The following TNFRSF11A variants were observed in gnomAD, a reference collection of about 807,000 sequenced individuals.
The protein encoded by TNFRSF11A is tumor necrosis factor receptor superfamily member 11A.
In TNFRSF11A, 32 loss-of-function variants were observed where a neutral mutation model predicts 55.7. The ratio of observed to expected loss-of-function variants is 0.57; its 90% CI spans 0.43 to 0.77. The LOEUF (loss-of-function observed/expected upper bound fraction) is 0.77. TNFRSF11A is among the 30% of genes least tolerant of loss of function. The pLI, the probability that TNFRSF11A is intolerant of heterozygous loss-of-function variation, is 0.00. For synonymous variants in TNFRSF11A, 311 were observed against 331.0 expected, an observed-to-expected ratio of 0.94 and a Z score of 0.65; for missense variants, 753 against 809.8, an observed-to-expected ratio of 0.93 and a Z score of 0.85.
chr18:62,332,414 T>G (rs1322517810), intron 1 of TNFRSF11A, among the ~76,000 whole-genome samples: 1 of 152,170 alleles, frequency 6.6e-6, no homozygotes, highest in East Asian at 1.9e-4. Flanking sequence ...ACAAGCAGGA[T>G]CACATCTAAC....
At chr18:62,343,304 G>T (rs2046339234) in intron 1 of TNFRSF11A, among the ~76,000 whole-genome samples, 1 of 152,204 alleles carries the variant, frequency 6.6e-6, no homozygotes, top group Non-Finnish European at 1.5e-5. Context: ...GACAAGAGGG[G>T]CCAAGCCTCT....
chr18:62,382,741 G>A (rs1327929542), intron 9 of TNFRSF11A, among the ~76,000 whole-genome samples: 1 of 151,750 alleles, frequency 6.6e-6, no homozygotes, highest in Non-Finnish European at 1.5e-5. Context: ...TAGTTTCCTT[G>A]CCTACACCAC....
rs187350062 is a variant in TNFRSF11A, at chr18:62,344,786, A to C, written c.76-3382A>C. ...ATCAGAACCAGAATACTGTAGGCAA[A>C]ATGAGAGGTCAGACTGGGAGGGGCA... On this transcript the variant is annotated intron_variant, in intron 1 of 9. Coordinates refer to ENST00000586569, the MANE Select transcript of TNFRSF11A (RefSeq NM_003839.4). 4.6e-5 allele frequency among the ~76,000 whole-genome samples: 7 copies of C among 152,312 alleles called. No individual in the cohort carries two copies. In the East Asian group the frequency reaches 1.3e-3, roughly 29 times the overall value.
In TNFRSF11A at chr18:62,390,236, G is replaced by A. The variant is rs549899364; in HGVS notation, c.*5202G>A. Reference sequence around the variant, plus strand: ...GTCGGAGGGACGCACCTTCTCCACAGTTGACAGGACTGTTATGGTTGACCC... The same window carrying A: ...GTCGGAGGGACGCACCTTCTCCACAATTGACAGGACTGTTATGGTTGACCC... On this transcript the variant is annotated 3_prime_UTR_variant, in exon 10 of 10. Transcript: ENST00000586569. The A allele has an allele frequency of 6.6e-6, 1 of 152,372 alleles. No homozygotes were observed. Among genetic ancestry groups the A allele is most frequent in the African/African-American group, 2.4e-5 (1 of 41,590 alleles). The allele number at this position is 152,372 out of a possible 1,614,324, so 9.4% of individuals were successfully genotyped here. A position where few individuals can be genotyped will look rare whatever the true frequency, so the allele number is the denominator to read the frequency against.
intron 7 of TNFRSF11A, 22 bp downstream of exon 7, chr18:62,361,815 T>C: frequency 1.3e-6 from 2 of 1,587,150 alleles, no homozygotes. Context: ...ATGGTGGTTT[T>C]TGCAAACCAA....
chr18:62,329,396 A>G (rs1295701324), intron 1 of TNFRSF11A, among the ~76,000 whole-genome samples: 1 of 152,222 alleles, frequency 6.6e-6, no homozygotes, highest in Non-Finnish European at 1.5e-5. Context: ...ACTCCAGCTC[A>G]GTGCACCCCA....
chr18:62,366,851 C>T (rs879144844), intron 8 of TNFRSF11A, 91 bp downstream of exon 8: 2 of 1,322,548 alleles, frequency 1.5e-6, no homozygotes, highest in African/African-American at 1.4e-5. Flanking sequence ...CACCCCCCCC[C>T]ACCCCCACTT....
At chr18:62,349,283 G>A (rs2046430539) in intron 2 of TNFRSF11A, among the ~76,000 whole-genome samples, 1 of 151,694 alleles carries the variant, frequency 6.6e-6, no homozygotes, top group Non-Finnish European at 1.5e-5. Context: ...GGTTGAGGCA[G>A]CAATTCTCCT....
intron 1 of TNFRSF11A, among the ~76,000 whole-genome samples, chr18:62,341,835 G>GTTTTTTTTTTTTTT (rs1568475429): frequency 4.4e-5 from 3 of 68,852 alleles, no homozygotes; most frequent in Non-Finnish European, 2.5e-5. Context: ...GCTGAGAATG[G>GTTTTTTTTTTTTTT]CTTTTTTTTT....
At chr18:62,333,474 T>C (rs2046185480) in intron 1 of TNFRSF11A, among the ~76,000 whole-genome samples, 1 of 152,200 alleles carries the variant, frequency 6.6e-6, no homozygotes. Context: ...AAGATTAATA[T>C]ATTACAAGTA....
At chr18:62,329,863 C>T (rs1225220787) in intron 1 of TNFRSF11A, among the ~76,000 whole-genome samples, 5 of 152,282 alleles carry the variant, frequency 3.3e-5, no homozygotes, top group South Asian at 4.1e-4. Context: ...CACTGTGTCA[C>T]GTTCCAGTCG....
intron 1 of TNFRSF11A, among the ~76,000 whole-genome samples, chr18:62,336,100 G>A (rs1200124453): frequency 6.6e-6 from 1 of 152,194 alleles, no homozygotes; most frequent in African/African-American, 2.4e-5. Context: ...GTCCAGGGAT[G>A]GGAGAGGTGG....
At chr18:62,327,564 A>G (rs1219141456) in intron 1 of TNFRSF11A, among the ~76,000 whole-genome samples, 5 of 152,206 alleles carry the variant, frequency 3.3e-5, no homozygotes, top group African/African-American at 1.2e-4. Flanking sequence ...CTCTGTATTC[A>G]ATGACTGCTT....
chr18:62,342,421 A>AAAAAAAAAAAAAAAAAAAAAAC, intron 1 of TNFRSF11A, among the ~76,000 whole-genome samples: 1 of 150,388 alleles, frequency 6.6e-6, no homozygotes, highest in Non-Finnish European at 1.5e-5. Flanking sequence ...AAAAAAAAAA[A>AAAAAAAAAAAAAAAAAAAAAAC]AAAATCCTAT....
chr18:62,326,405 A>G (rs1465956618), intron 1 of TNFRSF11A, among the ~76,000 whole-genome samples: 1 of 152,242 alleles, frequency 6.6e-6, no homozygotes, highest in East Asian at 1.9e-4. Flanking sequence ...ATTCTAGGGA[A>G]GATTCATTCC....
intron 1 of TNFRSF11A, among the ~76,000 whole-genome samples, chr18:62,344,796 C>G (rs1214189018): frequency 6.6e-6 from 1 of 152,138 alleles, no homozygotes; most frequent in Non-Finnish European, 1.5e-5. Context: ...AATGAGAGGT[C>G]AGACTGGGAG....
In TNFRSF11A at chr18:62,369,374, G is replaced by C; in HGVS notation, c.1457G>C (p.Arg486Thr). The change falls in exon 9 of 10, where the codon AGG becomes ACG. Residue 486 changes from arginine to threonine, a missense_variant. Physicochemically the swap from Arg to Thr is moderately conservative, Grantham distance 71 (BLOSUM62 -1). Transcript: ENST00000586569. ...CTTCCCCCTGAAGAAGAAGCCAGCA[G>C]GACGGAGGCCAGAGACCAGCCCGAG... is the stretch of plus-strand genomic sequence containing the variant. ...MGLPPEEEAS[R>T]TEARDQPEDG... 6.2e-7 allele frequency: 1 copy of C among 1,611,506 alleles called. No homozygotes were observed. Among genetic ancestry groups the C allele is most frequent in the African/African-American group, 1.3e-5 (1 of 75,068 alleles).
rs992744457 is a variant in TNFRSF11A at position 62,354,304 on chromosome 18, G to A, written c.284-87G>A. 4.8e-6 allele frequency: 7 copies of A among 1,447,970 alleles called. No individual in the cohort carries two copies. In the African/African-American group the frequency reaches 7.1e-5, roughly 15 times the overall value. The allele number at this position is 1,447,970 out of a possible 1,614,324, so 89.7% of individuals were successfully genotyped here. A position where few individuals can be genotyped will look rare whatever the true frequency, so the allele number is the denominator to read the frequency against. On this transcript the variant is annotated intron_variant, in intron 3 of 9. Coordinates refer to ENST00000586569, the MANE Select transcript of TNFRSF11A (RefSeq NM_003839.4). The stretch of plus-strand genomic sequence containing the variant: ...CCTGCCAGGCGGGCTGCTGCTCTGG[G>A]CTGGATGTTGGATAGCGCAGTCGTG...
Position 62,325,338 on chromosome 18 carries a change from A to G in TNFRSF11A, c.-15A>G, listed in dbSNP as rs1433955413. The G allele has an allele frequency of 2.1e-5, 21 of 1,016,286 alleles. No individual in the cohort carries two copies. The highest frequency in any genetic ancestry group is 4.8e-4 in the Middle Eastern group (1 of 2,090). The allele number at this position is 1,016,286 out of a possible 1,614,324, so 63.0% of individuals were successfully genotyped here. On this transcript the variant is annotated 5_prime_UTR_variant, in exon 1 of 10. Coordinates refer to ENST00000586569, the MANE Select transcript of TNFRSF11A (RefSeq NM_003839.4). The surrounding 1 kb of genome is among the most constrained non-coding windows in gnomAD (Gnocchi z 4.7). ...GGCCGCTGAGGCCGCGGCGCCCGCC[A>G]GCCTGTCCCGCGCCATGGCCCCGCG... is the stretch of plus-strand genomic sequence containing the variant.
Sources: allele counts gnomAD v4.1 joint callset (sites outside exome capture counted in the v4.1 genomes callset), GRCh38; gene constraint gnomAD v4.1.1; non-coding constraint Gnocchi (gnomAD v3.1); transcripts MANE v1.5; gene names NCBI Gene and HGNC (gene_info 2026-07-23, HGNC 2026-07-21).